The following SPAG17 variants were observed in gnomAD, a reference collection of about 807,000 sequenced individuals.
SPAG17 encodes sperm-associated antigen 17.
SPAG17 carries 169 observed loss-of-function variants against 273.6 expected under a neutral mutation model. The observed-to-expected ratio is 0.62, with a 90% CI of 0.55 to 0.70. SPAG17 has a LOEUF of 0.70. SPAG17 is among the 30% of genes least tolerant of loss of function. The probability of loss-of-function intolerance (pLI) is 0.00; values close to 1 mark genes in which losing one functional copy is unlikely to be tolerated. For synonymous variants in SPAG17, 825 were observed against 873.2 expected, an observed-to-expected ratio of 0.94 and a Z score of 0.97; for missense variants, 2,557 against 2,627.8, an observed-to-expected ratio of 0.97 and a Z score of 0.59.
At position 118,086,690 on chromosome 1, in the gene SPAG17, T is replaced by C. The variant is rs1048585184; in HGVS notation, c.1592A>G (p.His531Arg). Residue 531 changes from histidine to arginine, a missense_variant, in exon 12 of 49, where the codon CAC becomes CGC. Physicochemically the swap from His to Arg is conservative, Grantham distance 29 (BLOSUM62 0). Coordinates refer to ENST00000336338, the MANE Select transcript of SPAG17 (RefSeq NM_206996.4). ...LLLNYHDAHA[H>R]KKYALQDQKN... ...TATTACCTGTAGTGCGTACTTCTTG[T>C]GGGCGTGTGCATCATGATAGTTCAG... The C allele has an allele frequency of 6.2e-7, 1 of 1,614,080 alleles. No homozygotes were observed. The highest frequency in any genetic ancestry group is 1.3e-5 in the African/African-American group (1 of 74,930).
chr1:118,088,230 C>T (rs1166406005), intron 10 of SPAG17, among the ~76,000 whole-genome samples: 2 of 152,106 alleles, frequency 1.3e-5, no homozygotes, highest in Admixed American at 1.3e-4. Context: ...TTTTCATCCC[C>T]TTATTATTAT....
At chr1:118,147,936 A>G (rs1372475214) in intron 3 of SPAG17, among the ~76,000 whole-genome samples, 3 of 152,222 alleles carry the variant, frequency 2.0e-5, no homozygotes, top group South Asian at 4.1e-4. Flanking sequence ...AGAAAGCCTA[A>G]TTGATTAAAA....
chr1:118,041,899 T>C lies in SPAG17; in HGVS notation c.2958A>G (p.Lys986=), dbSNP rs765859084. The C allele has an allele frequency of 1.9e-6, 3 of 1,613,736 alleles. No individual in the cohort carries two copies. In the Admixed American group the frequency reaches 5.0e-5, roughly 27 times the overall value. The change falls in exon 21 of 49, where the codon AAA becomes AAG. Residue 986 remains lysine, a synonymous_variant. Coordinates refer to ENST00000336338, the MANE Select transcript of SPAG17 (RefSeq NM_206996.4). ...CTTTAGATTTCTCCTTGTAAGGTGA[T>C]TTTTTCTTCAAAGACCTACTATCCT... ...EKEDSRSLKK[K]SPYKEKSKEE...
At chr1:118,099,000 T>G (rs538903127) in intron 6 of SPAG17, among the ~76,000 whole-genome samples, 1 of 152,318 alleles carries the variant, frequency 6.6e-6, no homozygotes, top group East Asian at 1.9e-4. Flanking sequence ...CACCAAATTC[T>G]AGTTCTATTT....
In SPAG17 at chr1:117,987,185, T is replaced by C. The variant is rs79633041; in HGVS notation, c.5669+649A>G. 7.2e-3 allele frequency among the ~76,000 whole-genome samples: 1,097 copies of C among 152,256 alleles called. 16 individuals are homozygous for C. The highest frequency in any genetic ancestry group is 0.025 in the African/African-American group (1,033 of 41,562). On this transcript the variant is annotated intron_variant, in intron 40 of 48. Coordinates refer to ENST00000336338, the MANE Select transcript of SPAG17 (RefSeq NM_206996.4). ...GTCATGTCACGCAAAACTTAAGCTATCCTCCCTGCAGACAGTATATCCCTT... is the reference window on the plus strand; with the variant it reads ...GTCATGTCACGCAAAACTTAAGCTACCCTCCCTGCAGACAGTATATCCCTT...
chr1:118,110,591 G>A (rs187706847), intron 4 of SPAG17, among the ~76,000 whole-genome samples: 3 of 152,292 alleles, frequency 2.0e-5, no homozygotes, highest in Non-Finnish European at 4.4e-5. Context: ...GGGCAGGACT[G>A]GAAATTAAGT....
Position 118,151,279 on chromosome 1 carries a change from G to C in SPAG17, c.178C>G (p.Pro60Ala). ...ACCATACTGAAGAGTTTACGCTGAGGGACCTGGACAGCCACGGTAAGGGCT... is the reference window on the plus strand; with the variant it reads ...ACCATACTGAAGAGTTTACGCTGAGCGACCTGGACAGCCACGGTAAGGGCT... ...IQALTVAVQV[P>A]QRKLFSMVSW... Residue 60 changes from proline to alanine, a missense_variant, in exon 2 of 49, where the codon CCT (proline) becomes GCT (alanine). Transcript: ENST00000336338. 1 of 1,613,200 alleles carries C rather than the reference G, an allele frequency of 6.2e-7. No individual in the cohort carries two copies. Among genetic ancestry groups the C allele is most frequent in the Non-Finnish European group, 8.5e-7 (1 of 1,179,422 alleles).
In SPAG17 at chr1:118,068,151, A is replaced by T. The variant is rs542814528; in HGVS notation, c.2386-1252T>A. ...TGAAGGCATGGAGTGATATATATAT[A>T]ATATATATATATATAACATAATAAT... On this transcript the variant is annotated intron_variant, in intron 17 of 48. Coordinates refer to ENST00000336338, the MANE Select transcript of SPAG17 (RefSeq NM_206996.4). Among the ~76,000 whole-genome samples, 21 of 149,014 alleles carry T rather than the reference A, an allele frequency of 1.4e-4. No homozygotes were observed. The South Asian group carries it at 4.2e-3, about 30-fold the overall frequency.
chr1:118,055,993 AC>A, intron 18 of SPAG17, 79 bp from the exon 19 acceptor site: 2 of 1,210,888 alleles, frequency 1.7e-6, no homozygotes, highest in East Asian at 2.4e-5. Context: ...GTGCAAATAA[AC>A]TTTTTGCTCA....
intron 1 of SPAG17, among the ~76,000 whole-genome samples, chr1:118,169,281 C>T (rs1660311680): frequency 6.6e-6 from 1 of 152,148 alleles, no homozygotes; most frequent in Non-Finnish European, 1.5e-5. Context: ...TATGAAAAGT[C>T]CATTTCCCTC....
At chr1:118,181,652 T>TA (rs1324230702) in intron 1 of SPAG17, among the ~76,000 whole-genome samples, 1 of 152,058 alleles carries the variant, frequency 6.6e-6, no homozygotes, top group Non-Finnish European at 1.5e-5. Flanking sequence ...CAGCTATTAT[T>TA]AAAAAATCAA....
At chr1:118,075,258 C>T (rs1402135462) in intron 15 of SPAG17, among the ~76,000 whole-genome samples, 7 of 152,144 alleles carry the variant, frequency 4.6e-5, no homozygotes, top group African/African-American at 1.4e-4. Flanking sequence ...GAGTCATGCA[C>T]ACTATGGACC....
intron 24 of SPAG17, among the ~76,000 whole-genome samples, chr1:118,034,438 C>T (rs1024255678): frequency 6.6e-6 from 1 of 152,194 alleles, no homozygotes; most frequent in Non-Finnish European, 1.5e-5. Context: ...CATGCTATTC[C>T]TGGTAGCTAG....
chr1:118,091,853 T>A (rs1295694669), intron 9 of SPAG17, 77 bp downstream of exon 9: 3 of 1,471,758 alleles, frequency 2.0e-6, no homozygotes, highest in Non-Finnish European at 2.9e-6. Context: ...AGGCTGAAAG[T>A]AATATGGAGG....
At chr1:118,105,984 T>G (rs1656373404) in intron 4 of SPAG17, among the ~76,000 whole-genome samples, 1 of 152,204 alleles carries the variant, frequency 6.6e-6, no homozygotes, top group Admixed American at 6.5e-5. Flanking sequence ...TACAGCCATG[T>G]GGTCAGGGGG....
chr1:117,970,920 G>A (rs1398730003), intron 45 of SPAG17, among the ~76,000 whole-genome samples: 1 of 152,154 alleles, frequency 6.6e-6, no homozygotes, highest in South Asian at 2.1e-4. Context: ...AAAAACAATC[G>A]TGTGATTTGG....
At chr1:118,042,172 T>A in intron 20 of SPAG17, 130 bp from the exon 21 acceptor site, 1 of 1,103,250 alleles carries the variant, frequency 9.1e-7, no homozygotes, top group Non-Finnish European at 1.3e-6. Context: ...AATACTGAAC[T>A]AGAAGCCTTG....
chr1:118,051,461 T>C (rs1469137826), intron 20 of SPAG17, among the ~76,000 whole-genome samples: 4 of 151,780 alleles, frequency 2.6e-5, no homozygotes, highest in Admixed American at 2.6e-4. Flanking sequence ...TGCAGCATTA[T>C]TTACAATAGC....
chr1:118,041,574 C>T (rs1191752457), intron 21 of SPAG17, among the ~76,000 whole-genome samples: 4 of 151,972 alleles, frequency 2.6e-5, no homozygotes, highest in African/African-American at 2.4e-5. Flanking sequence ...TAGCTAGGTT[C>T]GTGGCACTCA....
Sources: allele counts gnomAD v4.1 joint callset (sites outside exome capture counted in the v4.1 genomes callset), GRCh38; gene constraint gnomAD v4.1.1; transcripts MANE v1.5; gene names NCBI Gene and HGNC (gene_info 2026-07-23, HGNC 2026-07-21).